The following ADGRD2 variants were observed in gnomAD, a reference collection of about 807,000 sequenced individuals.
ADGRD2 encodes G protein-coupled receptor PGR24.
A neutral mutation model predicts 44.4 loss-of-function variants in ADGRD2; 71 were observed. The observed-to-expected ratio is 1.60, with a 90% confidence interval of 1.32 to 1.95. ADGRD2 has a LOEUF of 1.95. Among genes scored for constraint, ADGRD2 ranks in the 30% most tolerant of loss-of-function variants. The pLI is 0.00. For synonymous variants in ADGRD2, 481 were observed against 224.8 expected (o/e 2.14, Z -10.19); for missense variants, 1,039 against 512.4 (o/e 2.03, Z -9.92).
chr9:124,458,088 C>T (rs1483067350), intron 8 of ADGRD2, 25 bp from the exon 12 acceptor site: 2 of 718,250 alleles, frequency 2.8e-6, no homozygotes, highest in African/African-American at 3.5e-5. Flanking sequence ...CGGGTGGTGC[C>T]TTGGTGCCCC....
In ADGRD2 at chr9:124,454,801, C is replaced by A; in HGVS notation, c.1109-42C>A. The A allele has an allele frequency of 1.5e-6, 1 of 648,092 alleles. No individual in the cohort carries two copies. The highest frequency in any genetic ancestry group is 1.7e-5 in the South Asian group (1 of 59,306). 40.1% of individuals were successfully genotyped at this position (648,092 alleles called of 1,614,324 possible). A position where few individuals can be genotyped will look rare whatever the true frequency, so the allele number is the denominator to read the frequency against. On this transcript the variant is annotated intron_variant, in intron 5 of 21. Coordinates refer to ENST00000334810, the Ensembl canonical transcript of ADGRD2. This position sits in a 1 kb window ranked among gnomAD's most constrained non-coding sequence, Gnocchi z 4.5. ...AGTGTGGCCCTTGGGGGGATCCCCT[C>A]ATAACAACCAGACCCAGAGTCAGTG...
At position 124,476,984 on chromosome 9, in the gene ADGRD2, CCT is replaced by C. The variant is rs550148598; in HGVS notation, c.*18+282_*18+283del. ...CACAACCTGCCTCCCTCTGTCCTCC[CCT>C]CTCTCTGCCCAGGGGGGCGCTGCCA... is the stretch of plus-strand genomic sequence containing the variant. On this transcript the variant is annotated intron_variant, in intron 21 of 21. Coordinates refer to ENST00000334810, the Ensembl canonical transcript of ADGRD2. The C allele has an allele frequency of 7.8e-3, 5,268 of 674,760 alleles. 38 individuals are homozygous for C. The highest frequency in any genetic ancestry group is 0.011 in the Non-Finnish European group (3,916 of 357,712). The allele number at this position is 674,760 out of a possible 1,614,324, so 41.8% of individuals were successfully genotyped here.
exon 3 of ADGRD2, chr9:124,453,366 G>T: frequency 3.7e-6 from 2 of 544,460 alleles, no homozygotes; most frequent in Non-Finnish European, 6.4e-6. Flanking sequence ...GGCGCTGGGC[G>T]CTGTTCTCCG....
exon 10 of ADGRD2, chr9:124,458,684 A>G (rs1235670892): frequency 4.2e-6 from 3 of 718,644 alleles, no homozygotes; most frequent in African/African-American, 1.7e-5. Flanking sequence ...GGAGAGGTCA[A>G]CGTGGCCATG....
exon 7 of ADGRD2, chr9:124,456,682 A>C: frequency 1.4e-6 from 1 of 715,820 alleles, no homozygotes; most frequent in Non-Finnish European, 2.6e-6. Flanking sequence ...CCTGCTGAGC[A>C]CCTCAATGAC....
At chr9:124,476,897 T>C in intron 21 of ADGRD2, 188 bp downstream of exon 24, 2 of 703,718 alleles carry the variant, frequency 2.8e-6, no homozygotes, top group Admixed American at 4.0e-5. Context: ...GCAGTACCCC[T>C]TGGGAGGACT....
At position 124,453,470 on chromosome 9, in the gene ADGRD2, TG is replaced by T; in HGVS notation, c.720del (p.Gly241AlafsTer24). Reference sequence around the variant, plus strand: ...GTGCTGGGCCAGGATCAGGACTCTCTGGGCGGTGGCTTCTCGGTGCGTCACG... The same window carrying T: ...GTGCTGGGCCAGGATCAGGACTCTCTGGCGGTGGCTTCTCGGTGCGTCACG... On this transcript the variant is annotated frameshift_variant, in exon 3 of 22. Coordinates refer to ENST00000334810, the Ensembl canonical transcript of ADGRD2. LOFTEE classifies it high-confidence loss of function. 1 of 701,846 alleles carries T rather than the reference TG, an allele frequency of 1.4e-6. No individual in the cohort carries two copies. The allele number at this position is 701,846 out of a possible 1,614,324, so 43.5% of individuals were successfully genotyped here. A position where few individuals can be genotyped will look rare whatever the true frequency, so the allele number is the denominator to read the frequency against.
Position 124,477,053 on chromosome 9 carries a change from C to A in ADGRD2, c.*18+344C>A, listed in dbSNP as rs368669605. On this transcript the variant is annotated intron_variant, in intron 21 of 21. Coordinates refer to ENST00000334810, the Ensembl canonical transcript of ADGRD2. ...TTTCTCTGTCCTCCCCCTCTTTCTG[C>A]CCCCTAAGCCCAGCACCCCCCGTCA... 102 of 565,720 alleles carry A rather than the reference C, an allele frequency of 1.8e-4. No homozygotes were observed. In the East Asian group the frequency reaches 2.2e-3, roughly 12 times the overall value. 35.0% of individuals were successfully genotyped at this position (565,720 alleles called of 1,614,324 possible).
At chr9:124,474,755 T>C (rs557701895) in intron 17 of ADGRD2, among the ~76,000 whole-genome samples, 185 of 152,164 alleles carry the variant, frequency 1.2e-3, no homozygotes, top group African/African-American at 4.2e-3. Flanking sequence ...CACCCACAGC[T>C]CCTGGTCCCT....
chr9:124,465,543 G>C, intron 10 of ADGRD2: 1 of 152,126 alleles, frequency 6.6e-6, no homozygotes, highest in East Asian at 1.9e-4. Context: ...GTAGAGACAG[G>C]GTTTTGCCAT....
intron 11 of ADGRD2, chr9:124,466,633 A>C: frequency 2.7e-6 from 1 of 364,296 alleles, no homozygotes; most frequent in Non-Finnish European, 4.9e-6. Flanking sequence ...AACATGGCAA[A>C]ACCCCGTCTC....
chr9:124,474,074 G>A (rs759986812), intron 17 of ADGRD2, among the ~76,000 whole-genome samples: 16 of 152,004 alleles, frequency 1.1e-4, no homozygotes, highest in Non-Finnish European at 1.9e-4. Flanking sequence ...TCAGGAGTTC[G>A]AGACCAGCCT....
chr9:124,466,191 G>A (rs1036451828), intron 10 of ADGRD2, 67 bp from the exon 14 acceptor site: 2 of 529,170 alleles, frequency 3.8e-6, no homozygotes, highest in Middle Eastern at 4.9e-4. Flanking sequence ...ACAGGCCCCA[G>A]GCTCTGGGGA....
At chr9:124,451,686 G>T (rs1415402661), upstream of ADGRD2, 3 of 259,344 alleles carry the variant, frequency 1.2e-5, no homozygotes, top group South Asian at 4.3e-5. Context: ...TGGTGCTACT[G>T]TTTCCTCTGC....
intron 12 of ADGRD2, 69 bp from the exon 16 acceptor site, chr9:124,468,019 G>A (rs1324940385): frequency 8.4e-6 from 6 of 717,702 alleles, no homozygotes; most frequent in East Asian, 8.0e-5. Flanking sequence ...GATCGGGCAG[G>A]ACAGGGCCCT....
Position 124,468,083 on chromosome 9 carries a change from T to A in ADGRD2, c.2131-5T>A, listed in dbSNP as rs1159153296. On this transcript the variant is annotated splice_polypyrimidine_tract_variant and splice_region_variant and intron_variant, in intron 12 of 21. Coordinates refer to ENST00000334810, the Ensembl canonical transcript of ADGRD2. ...CTTGTTAACTGACTCCTCTGTCCTC[T>A]CCAGGGTCCCCAAGTCAGAGCGAAC... The A allele has an allele frequency of 5.6e-6, 4 of 718,336 alleles. No homozygotes were observed. In the African/African-American group the frequency reaches 7.0e-5, roughly 13 times the overall value. The allele number at this position is 718,336 out of a possible 1,614,324, so 44.5% of individuals were successfully genotyped here.
At chr9:124,467,086 A>G (rs1831837513) in intron 11 of ADGRD2, 1 of 152,976 alleles carries the variant, frequency 6.5e-6, no homozygotes, top group Non-Finnish European at 1.5e-5. Context: ...TAATCCGACC[A>G]CTTTGGGAGG....
chr9:124,458,048 G>A (rs111612783), intron 8 of ADGRD2, 65 bp from the exon 12 acceptor site: 7,131 of 712,636 alleles, frequency 0.01, 80 homozygotes, highest in South Asian at 0.021. Flanking sequence ...CATCACCCTC[G>A]GGGCCAACTG....
chr9:124,469,273 A>G, exon 15 of ADGRD2: 1 of 717,748 alleles, frequency 1.4e-6, no homozygotes, highest in Non-Finnish European at 2.6e-6. Context: ...CCCCATGACT[A>G]CGTGGCCCCC....
Sources: gnomAD v4.1 joint callset for allele counts (sites outside exome capture counted in the v4.1 genomes callset) on GRCh38, gnomAD v4.1.1 for gene constraint, Gnocchi (gnomAD v3.1) non-coding constraint, MANE v1.5 for transcripts, NCBI Gene and HGNC (gene_info 2026-07-23, HGNC 2026-07-21) for gene names.